Variants in PLCB1 observed in about 807,000 individuals in gnomAD.
PLCB1 encodes the protein phospholipase C beta 1, also known as 1-phosphatidylinositol 4,5-bisphosphate phosphodiesterase beta-1.
Under a neutral mutation model 161.8 loss-of-function variants are expected in PLCB1, and 46 were observed. The observed-to-expected ratio is 0.28, with a 90% CI of 0.22 to 0.36. The LOEUF is 0.36. PLCB1 is among the 10% of genes least tolerant of loss of function. The pLI is 1.00. For missense variants in PLCB1, 1,016 were observed against 1,472.5 expected (o/e 0.69, Z 5.07); for synonymous variants, 517 against 503.7 (o/e 1.03, Z -0.35).
intron 31 of PLCB1, among the ~76,000 whole-genome samples, chr20:8,825,052 C>G (rs1200996737): frequency 6.6e-6 from 1 of 152,216 alleles, no homozygotes. Flanking sequence ...CTCACCTACA[C>G]TATCCCCAGG....
intron 3 of PLCB1, among the ~76,000 whole-genome samples, chr20:8,465,104 G>A (rs1313067204): frequency 6.6e-6 from 1 of 151,960 alleles, no homozygotes; most frequent in Non-Finnish European, 1.5e-5. Flanking sequence ...GGTTGAAGTT[G>A]TTTGTTATTT....
intron 3 of PLCB1, among the ~76,000 whole-genome samples, chr20:8,464,981 A>T (rs563888827): frequency 6.6e-6 from 1 of 152,098 alleles, no homozygotes; most frequent in South Asian, 2.1e-4. Flanking sequence ...TTTAAAATTG[A>T]TTTGGTCATT....
chr20:8,762,811 ATAACT>A (rs763339292), intron 25 of PLCB1, among the ~76,000 whole-genome samples: 28 of 152,232 alleles, frequency 1.8e-4, no homozygotes, highest in Middle Eastern at 3.2e-3. Flanking sequence ...ATTTAATAAC[ATAACT>A]TATTATTCTA....
intron 3 of PLCB1, among the ~76,000 whole-genome samples, chr20:8,569,635 A>G (rs1986442823): frequency 6.6e-6 from 1 of 152,214 alleles, no homozygotes; most frequent in Non-Finnish European, 1.5e-5. Context: ...ATGATTAAGT[A>G]GATTATAGTG....
At chr20:8,725,171 C>A (rs1979867644) in intron 16 of PLCB1, among the ~76,000 whole-genome samples, 1 of 152,112 alleles carries the variant, frequency 6.6e-6, no homozygotes, top group Non-Finnish European at 1.5e-5. Context: ...ACTTGATGAA[C>A]CCTGATAATT....
chr20:8,608,633 G>A (rs1440730934), intron 3 of PLCB1, among the ~76,000 whole-genome samples: 1 of 152,114 alleles, frequency 6.6e-6, no homozygotes, highest in African/African-American at 2.4e-5. Flanking sequence ...TCCTGCATAA[G>A]ACACTAATGA....
At chr20:8,880,755 ATAT>A (rs1987941450) in intron 31 of PLCB1, 2 of 144,736 alleles carry the variant, frequency 1.4e-5, no homozygotes, top group African/African-American at 5.8e-5. Context: ...TCACCTATCA[ATAT>A]TTCTCAACCC....
intron 3 of PLCB1, among the ~76,000 whole-genome samples, chr20:8,581,233 G>A (rs1285302906): frequency 1.3e-5 from 2 of 152,126 alleles, no homozygotes; most frequent in Non-Finnish European, 1.5e-5. Context: ...TGGCACCTAG[G>A]ATGTATTCAT....
At chr20:8,278,448 A>AATTTGTGATGTGAT (rs1982704119) in intron 2 of PLCB1, among the ~76,000 whole-genome samples, 3 of 151,196 alleles carry the variant, frequency 2.0e-5, no homozygotes, top group African/African-American at 7.3e-5. Context: ...TGATACATGT[A>AATTTGTGATGTGAT]ACTGATGAAG....
At chr20:8,746,130 C>T (rs918733565) in intron 23 of PLCB1, among the ~76,000 whole-genome samples, 11 of 152,154 alleles carry the variant, frequency 7.2e-5, no homozygotes, top group Admixed American at 3.3e-4. Flanking sequence ...CGGGGTTTCA[C>T]CATGTTGGCT....
chr20:8,480,886 C>A (rs1982470071), intron 3 of PLCB1, among the ~76,000 whole-genome samples: 1 of 143,138 alleles, frequency 7.0e-6, no homozygotes, highest in South Asian at 2.2e-4. Context: ...GGCTGATCAC[C>A]TGAGCTCAGG....
At chr20:8,186,873 A>G (rs1265945274) in intron 2 of PLCB1, among the ~76,000 whole-genome samples, 3 of 152,108 alleles carry the variant, frequency 2.0e-5, no homozygotes, top group African/African-American at 2.4e-5. Context: ...AGGAGCATCA[A>G]AGTTCACAGT....
intron 2 of PLCB1, among the ~76,000 whole-genome samples, chr20:8,189,469 A>G (rs2051942461): frequency 6.6e-6 from 1 of 151,894 alleles, no homozygotes; most frequent in Admixed American, 6.6e-5. Context: ...GCATGTAGAT[A>G]TAAGACATTT....
At chr20:8,209,694 C>T (rs1978720564) in intron 2 of PLCB1, among the ~76,000 whole-genome samples, 2 of 152,038 alleles carry the variant, frequency 1.3e-5, no homozygotes, top group African/African-American at 2.4e-5. Context: ...TTCCCTGATC[C>T]ACCCAGTGGT....
chr20:8,437,909 A>G (rs1980380274), intron 3 of PLCB1, among the ~76,000 whole-genome samples: 1 of 152,176 alleles, frequency 6.6e-6, no homozygotes, highest in Non-Finnish European at 1.5e-5. Flanking sequence ...GAGGGAAATA[A>G]ATTGCCAATA....
chr20:8,374,491 A>G (rs1987009681), intron 3 of PLCB1, among the ~76,000 whole-genome samples: 1 of 152,118 alleles, frequency 6.6e-6, no homozygotes. Context: ...TACCCTCTGC[A>G]CACCACCCTT....
intron 3 of PLCB1, among the ~76,000 whole-genome samples, chr20:8,501,217 C>T (rs1369468807): frequency 6.6e-6 from 1 of 152,180 alleles, no homozygotes; most frequent in Non-Finnish European, 1.5e-5. Flanking sequence ...TCTGCCAAAA[C>T]AAATCACTTG....
intron 3 of PLCB1, among the ~76,000 whole-genome samples, chr20:8,571,909 A>G (rs1986533008): frequency 6.6e-6 from 1 of 152,198 alleles, no homozygotes; most frequent in East Asian, 1.9e-4. Flanking sequence ...CTTTTCCAAA[A>G]AGCAATGGGG....
At chr20:8,426,688 G>T (rs1979790877) in intron 3 of PLCB1, among the ~76,000 whole-genome samples, 1 of 152,116 alleles carries the variant, frequency 6.6e-6, no homozygotes, top group African/African-American at 2.4e-5. Context: ...GGTTTTAGCT[G>T]CTCTTGTCAC....
Sources: gnomAD v4.1 joint callset for allele counts (sites outside exome capture counted in the v4.1 genomes callset) on GRCh38, gnomAD v4.1.1 for gene constraint, MANE v1.5 for transcripts, NCBI Gene and HGNC (gene_info 2026-07-23, HGNC 2026-07-21) for gene names.